Variants in PIEZO1 observed in about 807,000 individuals in gnomAD.
PIEZO1 encodes the protein piezo type mechanosensitive ion channel component 1 (Er blood group).
In PIEZO1, 296 loss-of-function variants were observed where a neutral mutation model predicts 297.2. The ratio of observed to expected loss-of-function variants is 1.00; its 90% CI spans 0.91 to 1.10. PIEZO1 has a LOEUF of 1.10. Ranked by LOEUF, PIEZO1 falls within the 50% of genes least tolerant of loss-of-function variation. The pLI is 0.00. For synonymous variants in PIEZO1, 2,427 were observed against 1,507.5 expected, an observed-to-expected ratio of 1.61 and a Z score of -14.13; for missense variants, 5,018 against 3,455.5, an observed-to-expected ratio of 1.45 and a Z score of -11.34.
In PIEZO1 at chr16:88,725,013, G is replaced by A. The variant is rs781478961; in HGVS notation, c.4230C>T (p.Ala1410=). The A allele has an allele frequency of 8.7e-6, 13 of 1,486,500 alleles. No homozygotes were observed. The highest frequency in any genetic ancestry group is 1.4e-5 in the African/African-American group (1 of 69,160). The allele number at this position is 1,486,500 out of a possible 1,614,324, so 92.1% of individuals were successfully genotyped here. ...AGGCGGCCTAATTGGGGGTACCTGT[G>A]GCGTGGTCCAGCCAGGGCCGCCACC... is the stretch of plus-strand genomic sequence containing the variant. ...RQWWRPWLDH[A]TVIHSGDYFL... is the part of the protein sequence containing the mutation. Residue 1410 remains alanine, a synonymous_variant, in exon 30 of 51, where the codon GCC becomes GCT. Transcript: ENST00000301015.
At chr16:88,739,177 G>A (rs1905465665) in intron 5 of PIEZO1, 2 of 165,384 alleles carry the variant, frequency 1.2e-5, no homozygotes, top group Non-Finnish European at 2.6e-5. Flanking sequence ...GGTCTCCTGT[G>A]TACCCCTGCC....
chr16:88,753,537 C>A (rs906671807), intron 1 of PIEZO1, among the ~76,000 whole-genome samples: 5 of 152,082 alleles, frequency 3.3e-5, no homozygotes, highest in African/African-American at 1.2e-4. Context: ...GAGTAGCCGG[C>A]TAGCAGGGCA....
At chr16:88,735,081 G>A (rs1325232806) in intron 13 of PIEZO1, 28 bp from the exon 14 acceptor site, 8 of 1,549,986 alleles carry the variant, frequency 5.2e-6, no homozygotes, top group South Asian at 2.4e-5. Context: ...GGCAGGCGAT[G>A]GCATCAGGGC....
Position 88,725,000 on chromosome 16 carries a change from TG to T in PIEZO1, c.4234+8del. ...AGAGGGTGGCCACAGGCGGCCTAAT[TG>T]GGGGTACCTGTGGCGTGGTCCAGCC... On this transcript the variant is annotated splice_region_variant and intron_variant, in intron 30 of 50. Transcript: ENST00000301015. 1 of 1,461,428 alleles carries T rather than the reference TG, an allele frequency of 6.8e-7. No homozygotes were observed. Among genetic ancestry groups the T allele is most frequent in the Non-Finnish European group, 9.0e-7 (1 of 1,105,392 alleles). The allele number at this position is 1,461,428 out of a possible 1,614,324, so 90.5% of individuals were successfully genotyped here. A position where few individuals can be genotyped will look rare whatever the true frequency, so the allele number is the denominator to read the frequency against.
chr16:88,727,397 G>A (rs907380726), intron 23 of PIEZO1, among the ~76,000 whole-genome samples, 160 bp downstream of exon 23: 1 of 152,140 alleles, frequency 6.6e-6, no homozygotes, highest in Non-Finnish European at 1.5e-5. Flanking sequence ...CACAGGCTGA[G>A]GTCTGCGTGC....
chr16:88,751,550 C>T (rs1906390799), intron 1 of PIEZO1, among the ~76,000 whole-genome samples: 1 of 152,210 alleles, frequency 6.6e-6, no homozygotes. Flanking sequence ...CAGCAGCCTC[C>T]CCCAGCTCCC....
At chr16:88,777,430 C>G (rs182676765) in intron 1 of PIEZO1, among the ~76,000 whole-genome samples, 109 of 152,106 alleles carry the variant, frequency 7.2e-4, no homozygotes, top group African/African-American at 2.5e-3. Context: ...GTCACTGGCC[C>G]GCAGACACAT....
Position 88,716,216 on chromosome 16 carries a change from C to T in PIEZO1, c.7111G>A (p.Val2371Met), listed in dbSNP as rs956728685. The T allele has an allele frequency of 1.3e-6, 2 of 1,499,556 alleles. No homozygotes were observed. The highest frequency in any genetic ancestry group is 8.9e-7 in the Non-Finnish European group (1 of 1,118,876). 92.9% of individuals were successfully genotyped at this position (1,499,556 alleles called of 1,614,324 possible). Residue 2371 changes from valine to methionine, a missense_variant, in exon 49 of 51, where the codon GTG becomes ATG. Physicochemically the swap from Val to Met is conservative, Grantham distance 21. Transcript: ENST00000301015. The stretch of plus-strand genomic sequence containing the variant: ...TACTCACTGGGCTGCAGCTGCTTCA[C>T]AGGGTTGGCTTCGGGCCCGTTGGGG... The part of the protein sequence containing the change: ...RAPNGPEANP[V>M]KQLQPNEEAD...
At chr16:88,728,211 G>A (rs1271619630) in intron 22 of PIEZO1, among the ~76,000 whole-genome samples, 6 of 152,202 alleles carry the variant, frequency 3.9e-5, no homozygotes, top group Admixed American at 3.9e-4. Flanking sequence ...GGGGATGGGA[G>A]CGGCCGGGGC....
At position 88,731,748 on chromosome 16, in the gene PIEZO1, G is replaced by A. The variant is rs922414644; in HGVS notation, c.3154C>T (p.Gln1052Ter). 2 of 1,549,804 alleles carry A rather than the reference G, an allele frequency of 1.3e-6. No homozygotes were observed. Among genetic ancestry groups the A allele is most frequent in the Admixed American group, 2.0e-5 (1 of 50,974 alleles). Residue 1052 changes from glutamine (Q) to a stop codon, truncating the protein, a stop_gained, in exon 22 of 51, where the codon CAG becomes TAG. Coordinates refer to ENST00000301015, the MANE Select transcript of PIEZO1 (RefSeq NM_001142864.4). LOFTEE classifies it high-confidence loss of function. ...GGCATCCCCAGGCACAGCAGGTACT[G>A]GTACAGCAGGAACAGCGCCAGGAAG... The part of the protein sequence containing the change: ...CLFLALFLLY[Q>*]YLLCLGMPPA...
chr16:88,743,189 G>C (rs1405678875), intron 2 of PIEZO1: 1 of 456,130 alleles, frequency 2.2e-6, no homozygotes, highest in South Asian at 1.5e-5. Flanking sequence ...CTGCAGGGCA[G>C]GGGCTGGGCG....
rs1420378534 is a variant in PIEZO1 at position 88,733,385 on chromosome 16, T to A, written c.2557A>T (p.Met853Leu). The change falls in exon 19 of 51, where the codon ATG (methionine) becomes TTG (leucine). Residue 853 changes from methionine (M) to leucine (L), a missense_variant. Physicochemically the swap from Met to Leu is conservative, Grantham distance 15. Transcript: ENST00000301015. ...FALPYPRFRP[M>L]ASCLSTVWTC... ...CACACGGTGGACAGGCAGGAGGCCATGGGCCGGAAGCGTGGGTAGGGCAGG... is the reference window on the plus strand; with the variant it reads ...CACACGGTGGACAGGCAGGAGGCCAAGGGCCGGAAGCGTGGGTAGGGCAGG... The A allele has an allele frequency of 1.9e-6, 3 of 1,549,966 alleles. No homozygotes were observed. In the East Asian group the frequency reaches 7.3e-5, roughly 38 times the overall value.
chr16:88,781,627 G>A (rs1567491731), intron 1 of PIEZO1, among the ~76,000 whole-genome samples: 1 of 152,258 alleles, frequency 6.6e-6, no homozygotes, highest in Admixed American at 6.5e-5. Flanking sequence ...CCACGGCCAT[G>A]CTCTTCCCAG....
At chr16:88,721,061 G>C (rs1181226712) in intron 39 of PIEZO1, 105 bp downstream of exon 39, 10 of 1,164,526 alleles carry the variant, frequency 8.6e-6, no homozygotes, top group Admixed American at 2.9e-5. Flanking sequence ...GATCCAGGTG[G>C]GCCTCGCACT....
chr16:88,727,761 G>A (rs1225784633), intron 22 of PIEZO1, 100 bp from the exon 23 acceptor site: 3 of 545,414 alleles, frequency 5.5e-6, no homozygotes, highest in Admixed American at 3.5e-5. Flanking sequence ...AGCCCTCAGG[G>A]TCCATGGGAA....
rs1905030058 is a variant in PIEZO1 at position 88,733,742 on chromosome 16, G to A, written c.2333C>T (p.Ala778Val). 3 of 1,542,700 alleles carry A rather than the reference G, an allele frequency of 1.9e-6. No individual in the cohort carries two copies. The highest frequency in any genetic ancestry group is 1.7e-6 in the Non-Finnish European group (2 of 1,142,882). The change falls in exon 18 of 51, where the codon GCA (alanine) becomes GTA (valine). Residue 778 changes from alanine (A) to valine (V), a missense_variant. Transcript: ENST00000301015. ...CTCAGCCACCAGGCCCCACTTGGCT[G>A]CCCCTGTGATGGTGTGAGGGTCAGT... Reference protein sequence around the residue: ...PHQATQVPEGAAKWGLVAERL... With the variant: ...PHQATQVPEGVAKWGLVAERL...
intron 22 of PIEZO1, among the ~76,000 whole-genome samples, chr16:88,728,509 C>G (rs1445521811): frequency 3.5e-5 from 5 of 143,626 alleles, no homozygotes; most frequent in Non-Finnish European, 6.1e-5. Flanking sequence ...CCAGGACATG[C>G]TGAACCCACA....
At chr16:88,737,456 T>A in intron 10 of PIEZO1, 103 bp downstream of exon 10, 1 of 758,256 alleles carries the variant, frequency 1.3e-6, no homozygotes, top group African/African-American at 1.8e-5. Context: ...CAGGCAGAGG[T>A]GCGGCGCGAG....
At chr16:88,742,471 C>T (rs1194649440) in intron 2 of PIEZO1, 49 bp from the exon 3 acceptor site, 3 of 1,523,776 alleles carry the variant, frequency 2.0e-6, no homozygotes, top group South Asian at 1.2e-5. Context: ...GGGGAGGGGC[C>T]GCAGCCCAGG....
Sources: gnomAD v4.1 joint callset for allele counts (sites outside exome capture counted in the v4.1 genomes callset) on GRCh38, gnomAD v4.1.1 for gene constraint, MANE v1.5 for transcripts, NCBI Gene and HGNC (gene_info 2026-07-23, HGNC 2026-07-21) for gene names.